Variants in PPP4R1 observed in about 807,000 individuals in gnomAD.
The protein encoded by PPP4R1 is serine/threonine-protein phosphatase 4 regulatory subunit 1.
A neutral mutation model predicts 111.2 loss-of-function variants in PPP4R1; 42 were observed. The ratio of observed to expected loss-of-function variants is 0.38; its 90% CI spans 0.29 to 0.49. PPP4R1 has a LOEUF of 0.49. Ranked by LOEUF, PPP4R1 falls within the 20% of genes least tolerant of loss-of-function variation. The probability of loss-of-function intolerance (pLI) is 0.97; values close to 1 mark genes in which losing one functional copy is unlikely to be tolerated. For synonymous variants in PPP4R1, 409 were observed against 405.5 expected, an observed-to-expected ratio of 1.01 and a Z score of -0.10; for missense variants, 1,012 against 1,161.6, an observed-to-expected ratio of 0.87 and a Z score of 1.87.
At position 9,571,914 on chromosome 18, in the gene PPP4R1, T is replaced by C. The variant is rs150947605; in HGVS notation, c.1047-1231A>G. On this transcript the variant is annotated intron_variant, in intron 10 of 19. Coordinates refer to ENST00000400556, the MANE Select transcript of PPP4R1 (RefSeq NM_001042388.3). ...TAGATCTGTTGTTTTAGAAAGACCA[T>C]TCTGGAGGAAGTGTAGAAAATGAGT... 5.4e-4 allele frequency among the ~76,000 whole-genome samples: 82 copies of C among 152,306 alleles called. 1 individual carries two copies. The highest frequency in any genetic ancestry group is 1.6e-3 in the Admixed American group (24 of 15,292).
At chr18:9,605,261 C>A (rs549708110) in intron 2 of PPP4R1, among the ~76,000 whole-genome samples, 1 of 152,010 alleles carries the variant, frequency 6.6e-6, no homozygotes, top group South Asian at 2.1e-4. Context: ...AATAAATATA[C>A]CAACAAATGA....
At chr18:9,564,697 GGTGT>G (rs1178823297) in intron 11 of PPP4R1, among the ~76,000 whole-genome samples, 4 of 93,492 alleles carry the variant, frequency 4.3e-5, no homozygotes, top group East Asian at 5.9e-4. Flanking sequence ...TAAAGTGCAT[GGTGT>G]GTGTGTGTGT....
At chr18:9,555,963 C>A (rs185962446) in intron 15 of PPP4R1, among the ~76,000 whole-genome samples, 3 of 147,856 alleles carry the variant, frequency 2.0e-5, no homozygotes, top group Admixed American at 1.4e-4. Context: ...GGTGAAACCC[C>A]ATCTCTACTA....
At chr18:9,588,896 G>C in intron 4 of PPP4R1, 43 bp from the exon 5 acceptor site, 5 of 1,597,956 alleles carry the variant, frequency 3.1e-6, no homozygotes, top group Non-Finnish European at 4.3e-6. Context: ...TTCTCCTGCA[G>C]CAACAAAACC....
Position 9,584,562 on chromosome 18 carries a change from C to G in PPP4R1, c.712G>C (p.Gly238Arg), listed in dbSNP as rs1036783229. ...HVRKVCAANF[G>R]DICSVVGQQA... Reference sequence around the variant, plus strand: ...TGGCCAACTACACTGCAAATATCTCCAAAATTGGCAGCACAGACCTGACAA... The same window carrying G: ...TGGCCAACTACACTGCAAATATCTCGAAAATTGGCAGCACAGACCTGACAA... Residue 238 changes from glycine (G) to arginine (R), a missense_variant, in exon 8 of 20, where the codon GGA (glycine) becomes CGA (arginine). Gly to Arg is a moderately radical substitution (Grantham distance 125). Coordinates refer to ENST00000400556, the MANE Select transcript of PPP4R1 (RefSeq NM_001042388.3). The G allele has an allele frequency of 1.9e-5, 30 of 1,613,072 alleles. No homozygotes were observed. Among genetic ancestry groups the G allele is most frequent in the Non-Finnish European group, 2.4e-5 (28 of 1,179,638 alleles).
At chr18:9,579,517 CGTGT>C (rs3974278) in intron 9 of PPP4R1, among the ~76,000 whole-genome samples, 3,150 of 147,848 alleles carry the variant, frequency 0.021, 40 homozygotes, top group Middle Eastern at 0.038. Flanking sequence ...AGGATTTACA[CGTGT>C]GTGTGTGTGT....
intron 8 of PPP4R1, 62 bp from the exon 9 acceptor site, chr18:9,583,337 C>G (rs999407499): frequency 2.9e-6 from 4 of 1,359,078 alleles, no homozygotes; most frequent in Middle Eastern, 1.9e-4. Flanking sequence ...TCAGTTACTT[C>G]GCTTTCATTT....
intron 15 of PPP4R1, among the ~76,000 whole-genome samples, chr18:9,556,724 A>C (rs2066592423): frequency 6.6e-6 from 1 of 152,246 alleles, no homozygotes; most frequent in Admixed American, 6.5e-5. Context: ...CTCCAAACTT[A>C]ATACACAGTT....
At chr18:9,588,066 T>C (rs1244293128) in intron 6 of PPP4R1, 23 bp downstream of exon 6, 2 of 1,613,142 alleles carry the variant, frequency 1.2e-6, no homozygotes, top group South Asian at 1.1e-5. Flanking sequence ...TTTGCATAAG[T>C]GGAAAAATGG....
chr18:9,589,662 GC>G (rs1438070824), intron 4 of PPP4R1: 2 of 152,176 alleles, frequency 1.3e-5, no homozygotes, highest in South Asian at 2.1e-4. Flanking sequence ...ACTTTGAGAG[GC>G]CAAGGCGGGC....
chr18:9,614,036 C>T lies in PPP4R1; in HGVS notation c.52+190G>A. 2.8e-6 allele frequency: 1 copy of T among 362,978 alleles called. No individual in the cohort carries two copies. Among genetic ancestry groups the T allele is most frequent in the Non-Finnish European group, 4.6e-6 (1 of 218,642 alleles). The allele number at this position is 362,978 out of a possible 1,614,324, so 22.5% of individuals were successfully genotyped here. On this transcript the variant is annotated intron_variant, in intron 2 of 19. Coordinates refer to ENST00000400556, the MANE Select transcript of PPP4R1 (RefSeq NM_001042388.3). This position sits in a 1 kb window ranked among gnomAD's most constrained non-coding sequence, Gnocchi z 4.1. The stretch of plus-strand genomic sequence containing the variant: ...TACTCCGGGCGTCTCCCTCCCCCAG[C>T]GGAACCTGGGCGCGCCGTTTCCTCA...
chr18:9,560,776 T>A (rs957018397), intron 13 of PPP4R1, among the ~76,000 whole-genome samples: 1 of 151,790 alleles, frequency 6.6e-6, no homozygotes, highest in Admixed American at 6.6e-5. Context: ...AAGGATCGAA[T>A]GCTTGAGCCC....
intron 9 of PPP4R1, among the ~76,000 whole-genome samples, chr18:9,582,638 A>G (rs2067048312): frequency 6.6e-6 from 1 of 152,174 alleles, no homozygotes; most frequent in South Asian, 2.1e-4. Context: ...ACTCTCCCCA[A>G]AAACAGTAGA....
intron 4 of PPP4R1, among the ~76,000 whole-genome samples, chr18:9,589,122 T>G (rs1323162358): frequency 6.6e-6 from 1 of 152,178 alleles, no homozygotes; most frequent in Admixed American, 6.6e-5. Flanking sequence ...ATAAATTTAT[T>G]CATCACCTAC....
chr18:9,569,583 A>T (rs2066826643), intron 11 of PPP4R1, among the ~76,000 whole-genome samples: 1 of 152,250 alleles, frequency 6.6e-6, no homozygotes, highest in Non-Finnish European at 1.5e-5. Context: ...GTCAATCAAC[A>T]AATCTGTATA....
At chr18:9,603,371 G>C (rs2067424472) in intron 2 of PPP4R1, among the ~76,000 whole-genome samples, 1 of 152,120 alleles carries the variant, frequency 6.6e-6, no homozygotes, top group East Asian at 1.9e-4. Context: ...ATTTCATTAA[G>C]AGATGCCTTT....
chr18:9,561,103 C>T (rs1371195242), intron 13 of PPP4R1, among the ~76,000 whole-genome samples: 3 of 150,650 alleles, frequency 2.0e-5, no homozygotes, highest in African/African-American at 7.3e-5. Flanking sequence ...ACTGTAGTCC[C>T]AGCTACTTGG....
intron 19 of PPP4R1, among the ~76,000 whole-genome samples, 154 bp from the exon 20 acceptor site, chr18:9,548,106 T>G (rs1187334015): frequency 2.0e-5 from 3 of 152,170 alleles, no homozygotes; most frequent in Non-Finnish European, 2.9e-5. Context: ...TGATTTGTTA[T>G]AGGAAGAAAA....
At position 9,584,571 on chromosome 18, in the gene PPP4R1, C is replaced by A; in HGVS notation, c.703G>T (p.Ala235Ser). ...RMFHVRKVCA[A>S]NFGDICSVVG... ...ACACTGCAAATATCTCCAAAATTGG[C>A]AGCACAGACCTGACAACAAAAGCAT... Residue 235 changes from alanine to serine, a missense_variant, in exon 8 of 20, where the codon GCC (alanine) becomes TCC (serine). This residue lies in a region of PPP4R1 where 707 missense variants were observed against 742.1 expected (regional missense o/e 0.95). Coordinates refer to ENST00000400556, the MANE Select transcript of PPP4R1 (RefSeq NM_001042388.3). 2 of 1,611,420 alleles carry A rather than the reference C, an allele frequency of 1.2e-6. No individual in the cohort carries two copies. Among genetic ancestry groups the A allele is most frequent in the Non-Finnish European group, 1.7e-6 (2 of 1,179,192 alleles).
Sources: gnomAD v4.1 joint callset for allele counts (sites outside exome capture counted in the v4.1 genomes callset) on GRCh38, gnomAD v4.1.1 for gene constraint, gnomAD v4.1.1 regional missense constraint, Gnocchi (gnomAD v3.1) non-coding constraint, MANE v1.5 for transcripts, NCBI Gene and HGNC (gene_info 2026-07-23, HGNC 2026-07-21) for gene names.